GRIA1: variants seen among roughly 807,000 people sequenced by gnomAD.
The protein encoded by GRIA1 is glutamate ionotropic receptor AMPA type subunit 1.
In GRIA1, 31 loss-of-function variants were observed where a neutral mutation model predicts 99.2. The ratio of observed to expected loss-of-function variants is 0.31; its 90% confidence interval spans 0.23 to 0.42. The LOEUF (loss-of-function observed/expected upper bound fraction) is 0.42, where lower values mean the gene tolerates loss of function less well. Ranked by LOEUF, GRIA1 falls within the 10% of genes least tolerant of loss-of-function variation. The probability of loss-of-function intolerance (pLI) is 1.00; values close to 1 mark genes in which losing one functional copy is unlikely to be tolerated. For synonymous variants in GRIA1, 438 were observed against 432.4 expected, an observed-to-expected ratio of 1.01 and a Z score of -0.16; for missense variants, 782 against 1,157.5, an observed-to-expected ratio of 0.68 and a Z score of 4.71.
intron 10 of GRIA1, among the ~76,000 whole-genome samples, chr5:153,704,338 C>A (rs995503064): frequency 6.6e-6 from 1 of 152,254 alleles, no homozygotes; most frequent in Non-Finnish European, 1.5e-5. Context: ...GAAATGAATG[C>A]TATGGCATCT....
chr5:153,740,288 C>T (rs996463170), intron 11 of GRIA1, among the ~76,000 whole-genome samples: 1 of 152,158 alleles, frequency 6.6e-6, no homozygotes, highest in Non-Finnish European at 1.5e-5. Context: ...ACAGGTAGCA[C>T]ATATAAACCA....
intron 11 of GRIA1, among the ~76,000 whole-genome samples, chr5:153,723,544 A>G (rs1760243757): frequency 6.6e-6 from 1 of 152,206 alleles, no homozygotes; most frequent in South Asian, 2.1e-4. Context: ...CCGCCCTAAT[A>G]CTGCGCTTTT....
intron 2 of GRIA1, among the ~76,000 whole-genome samples, chr5:153,533,146 C>G (rs575570732): frequency 1.3e-5 from 2 of 152,228 alleles, no homozygotes; most frequent in African/African-American, 4.8e-5. Context: ...CTTAAAGATA[C>G]CTTGCAGCTC....
intron 11 of GRIA1, among the ~76,000 whole-genome samples, chr5:153,730,661 G>T (rs1302534216): frequency 6.6e-6 from 1 of 152,046 alleles, no homozygotes; most frequent in East Asian, 1.9e-4. Flanking sequence ...AAGAATGGTG[G>T]ACTGAAAATT....
At chr5:153,533,172 T>C (rs975152628) in intron 2 of GRIA1, among the ~76,000 whole-genome samples, 33 of 152,310 alleles carry the variant, frequency 2.2e-4, no homozygotes, top group Admixed American at 1.2e-3. Flanking sequence ...TTCTGTGACT[T>C]TCACCAGGAG....
At chr5:153,693,206 C>G (rs530088949) in intron 8 of GRIA1, among the ~76,000 whole-genome samples, 9 of 152,284 alleles carry the variant, frequency 5.9e-5, no homozygotes, top group East Asian at 5.8e-4. Context: ...AATGGCAACT[C>G]TGCTGGAGAT....
chr5:153,514,568 T>C (rs1466182935), intron 2 of GRIA1, among the ~76,000 whole-genome samples: 1 of 152,236 alleles, frequency 6.6e-6, no homozygotes, highest in Non-Finnish European at 1.5e-5. Flanking sequence ...TTTATGCTAG[T>C]ACCATGCTGT....
chr5:153,636,540 A>G (rs1331662342), intron 2 of GRIA1, among the ~76,000 whole-genome samples: 1 of 152,242 alleles, frequency 6.6e-6, no homozygotes, highest in Non-Finnish European at 1.5e-5. Flanking sequence ...AGCAGAGACC[A>G]CATGGCCCGC....
rs143479611 is a variant in GRIA1, at chr5:153,752,138, A to ATGAT, written c.1824-12295_1824-12292dup. On this transcript the variant is annotated intron_variant, in intron 11 of 15. Transcript: ENST00000285900. ...CGAGTGATTATATTGTAATGGAAGAATGATAGTGGTTTAATGGGAATACAG... is the reference window on the plus strand; with the variant it reads ...CGAGTGATTATATTGTAATGGAAGAATGATTGATAGTGGTTTAATGGGAATACAG... Among the ~76,000 whole-genome samples, 843 of 152,334 alleles carry ATGAT rather than the reference A, an allele frequency of 5.5e-3. 14 individuals are homozygous for ATGAT. The highest frequency in any genetic ancestry group is 0.019 in the African/African-American group (806 of 41,572).
intron 2 of GRIA1, among the ~76,000 whole-genome samples, chr5:153,550,723 A>T (rs925189968): frequency 7.9e-5 from 12 of 152,164 alleles, no homozygotes; most frequent in Admixed American, 1.3e-4. Context: ...GTAAATCCTA[A>T]CCTGTCTATC....
At chr5:153,489,633 C>T (rs138205382), upstream of GRIA1, 2,469 of 273,644 alleles carry the variant, frequency 9.0e-3, 23 homozygotes, top group East Asian at 0.013. Flanking sequence ...TATTCTGTGG[C>T]GGCTAGTGGC....
intron 2 of GRIA1, among the ~76,000 whole-genome samples, chr5:153,624,516 C>T (rs1195930833): frequency 3.9e-5 from 6 of 152,184 alleles, no homozygotes; most frequent in African/African-American, 1.4e-4. Context: ...GGAGCTTTCC[C>T]CCTTGAGACT....
At chr5:153,753,894 T>C (rs896423706) in intron 11 of GRIA1, among the ~76,000 whole-genome samples, 2 of 152,172 alleles carry the variant, frequency 1.3e-5, no homozygotes, top group South Asian at 4.1e-4. Context: ...TAAAAAGTAA[T>C]GCTTTGTGTT....
chr5:153,606,123 A>G (rs1440354565), intron 2 of GRIA1, among the ~76,000 whole-genome samples: 2 of 152,128 alleles, frequency 1.3e-5, no homozygotes, highest in Non-Finnish European at 2.9e-5. Context: ...TTTAGGGTAT[A>G]GTATAGGGGT....
intron 5 of GRIA1, among the ~76,000 whole-genome samples, chr5:153,659,535 G>C (rs1010575130): frequency 6.6e-6 from 1 of 152,126 alleles, no homozygotes; most frequent in Non-Finnish European, 1.5e-5. Flanking sequence ...GAGTCCTTCA[G>C]AGTTGTAGTT....
chr5:153,735,514 T>G (rs1433740496), intron 11 of GRIA1, among the ~76,000 whole-genome samples: 2 of 152,194 alleles, frequency 1.3e-5, no homozygotes, highest in Non-Finnish European at 2.9e-5. Context: ...GGGTCGATCT[T>G]TAACTACCAG....
At chr5:153,689,242 A>T (rs1757566901) in intron 8 of GRIA1, among the ~76,000 whole-genome samples, 1 of 152,122 alleles carries the variant, frequency 6.6e-6, no homozygotes, top group African/African-American at 2.4e-5. Context: ...CTGCCTTGAC[A>T]ATGAAAACAT....
intron 11 of GRIA1, among the ~76,000 whole-genome samples, chr5:153,762,839 A>T (rs1482230587): frequency 3.9e-5 from 6 of 152,186 alleles, no homozygotes; most frequent in Non-Finnish European, 7.3e-5. Context: ...CCTATCAAAA[A>T]TATCTTCCTC....
intron 2 of GRIA1, among the ~76,000 whole-genome samples, chr5:153,590,183 G>A (rs1763838318): frequency 6.6e-6 from 1 of 151,996 alleles, no homozygotes; most frequent in African/African-American, 2.4e-5. Flanking sequence ...GGATTCAGAA[G>A]AACAGTTTCC....
Sources: allele counts gnomAD v4.1 joint callset (sites outside exome capture counted in the v4.1 genomes callset), GRCh38; gene constraint gnomAD v4.1.1; transcripts MANE v1.5; gene names NCBI Gene and HGNC (gene_info 2026-07-23, HGNC 2026-07-21).